RFTN1: variants seen among roughly 807,000 people sequenced by gnomAD.
RFTN1 encodes raftlin.
A neutral mutation model predicts 46.5 loss-of-function variants in RFTN1; 26 were observed. The observed-to-expected ratio is 0.56, with a 90% CI of 0.41 to 0.78. The LOEUF is 0.78. Ranked by LOEUF, RFTN1 falls within the 30% of genes least tolerant of loss-of-function variation. RFTN1 has a pLI of 0.00. For missense variants in RFTN1, 693 were observed against 718.7 expected, an observed-to-expected ratio of 0.96 and a Z score of 0.41; for synonymous variants, 261 against 284.2, an observed-to-expected ratio of 0.92 and a Z score of 0.82.
At chr3:16,395,367 T>C (rs1398439231) in intron 4 of RFTN1, among the ~76,000 whole-genome samples, 1 of 152,188 alleles carries the variant, frequency 6.6e-6, no homozygotes, top group Non-Finnish European at 1.5e-5. Context: ...TCTACTAAAA[T>C]ATGCTGTCCA....
intron 6 of RFTN1, 73 bp downstream of exon 6, chr3:16,369,982 TGAATGAAGCAGACTCTGAAGA>T: frequency 8.5e-7 from 1 of 1,180,990 alleles, no homozygotes. Context: ...CAGAGCTTTC[TGAATGAAGCAGACTCTGAAGA>T]GGGACTAAGA....
intron 9 of RFTN1, among the ~76,000 whole-genome samples, chr3:16,319,491 C>T (rs1174527931): frequency 6.6e-6 from 1 of 152,206 alleles, no homozygotes; most frequent in Non-Finnish European, 1.5e-5. Context: ...GGGCCCCATT[C>T]ATATTGTATT....
chr3:16,445,165 CA>C (rs1266602698), intron 2 of RFTN1, among the ~76,000 whole-genome samples: 5 of 152,132 alleles, frequency 3.3e-5, no homozygotes, highest in African/African-American at 1.2e-4. Context: ...CTGTTGCAGC[CA>C]AGCTCTTAGA....
intron 4 of RFTN1, among the ~76,000 whole-genome samples, chr3:16,405,060 C>T (rs763311939): frequency 3.9e-5 from 6 of 152,160 alleles, no homozygotes; most frequent in Admixed American, 6.5e-5. Context: ...TAGACGCTCT[C>T]ATGAATGAAC....
rs1470557855 is a variant in RFTN1, at chr3:16,342,911, C to T, written c.1146+15021G>A. 6.6e-6 allele frequency among the ~76,000 whole-genome samples: 1 copy of T among 152,228 alleles called. No homozygotes were observed. The highest frequency in any genetic ancestry group is 6.5e-5 in the Admixed American group (1 of 15,290). On this transcript the variant is annotated intron_variant, in intron 7 of 9. Coordinates refer to ENST00000334133, the MANE Select transcript of RFTN1 (RefSeq NM_015150.2). This position sits in a 1 kb window ranked among gnomAD's most constrained non-coding sequence, Gnocchi z 4.0. ...CACTGACTTTGAGTCTCGATCTCAG[C>T]TCACTGCAGCCTCAACCTCCCAGGC...
At position 16,341,261 on chromosome 3, in the gene RFTN1, C is replaced by G. The variant is rs570094235; in HGVS notation, c.1147-14385G>C. Among the ~76,000 whole-genome samples the G allele has an allele frequency of 2.6e-5, 4 of 152,324 alleles. No individual in the cohort carries two copies. The East Asian group carries it at 7.7e-4, about 29-fold the overall frequency. On this transcript the variant is annotated intron_variant, in intron 7 of 9. Transcript: ENST00000334133. The surrounding 1 kb of genome is among the most constrained non-coding windows in gnomAD (Gnocchi z 4.7). ...GACAGTTTGGCAGTTTCTTACAAAA[C>G]TAGACATACTTTACAATATGATCCA...
At chr3:16,362,869 T>C (rs1306944119) in intron 6 of RFTN1, among the ~76,000 whole-genome samples, 1 of 152,164 alleles carries the variant, frequency 6.6e-6, no homozygotes, top group African/African-American at 2.4e-5. Context: ...TCCAGACTTT[T>C]TCTCCATCCC....
chr3:16,506,223 A>AG lies in RFTN1; in HGVS notation c.-9+7218dup, dbSNP rs1299161201. Among the ~76,000 whole-genome samples, 3 of 152,102 alleles carry AG rather than the reference A, an allele frequency of 2.0e-5. No homozygotes were observed. Among genetic ancestry groups the AG allele is most frequent in the Admixed American group, 6.5e-5 (1 of 15,268 alleles). ...AGGCCACAGAGCGAGCCATGGGATA[A>AG]GGGGGAGGGTGGGCTAGGCAAGGCA... On this transcript the variant is annotated intron_variant, in intron 1 of 9. Transcript: ENST00000334133. The surrounding 1 kb of genome is among the most constrained non-coding windows in gnomAD (Gnocchi z 4.8).
intron 1 of RFTN1, among the ~76,000 whole-genome samples, chr3:16,502,773 T>A (rs1428617708): frequency 6.6e-6 from 1 of 152,236 alleles, no homozygotes; most frequent in African/African-American, 2.4e-5. Context: ...ACATCCTCAC[T>A]GCAACCTCAT....
intron 2 of RFTN1, chr3:16,454,828 T>C: frequency 1.0e-6 from 1 of 970,472 alleles, no homozygotes; most frequent in Non-Finnish European, 1.2e-6. Flanking sequence ...CTTTGTCTTG[T>C]TCATTTTCTT....
Position 16,410,296 on chromosome 3 carries a change from T to C in RFTN1, c.333-813A>G, listed in dbSNP as rs2074959083. Among the ~76,000 whole-genome samples, 1 of 151,558 alleles carries C rather than the reference T, an allele frequency of 6.6e-6. No homozygotes were observed. The highest frequency in any genetic ancestry group is 1.5e-5 in the Non-Finnish European group (1 of 67,962). On this transcript the variant is annotated intron_variant, in intron 3 of 9. Transcript: ENST00000334133. This position sits in a 1 kb window ranked among gnomAD's most constrained non-coding sequence, Gnocchi z 4.6. ...CAGTAATGTCTATGTCCCATTGGTT[T>C]ATATCCGCCAGGGCACAGAAAAAGA...
chr3:16,476,641 C>A (rs563049943), intron 2 of RFTN1, among the ~76,000 whole-genome samples: 29 of 152,236 alleles, frequency 1.9e-4, no homozygotes, highest in Middle Eastern at 3.4e-3. Context: ...GGACCCAAGG[C>A]TTCTAGGCAG....
intron 4 of RFTN1, among the ~76,000 whole-genome samples, chr3:16,394,480 G>A (rs1399782525): frequency 6.6e-6 from 1 of 152,216 alleles, no homozygotes; most frequent in Non-Finnish European, 1.5e-5. Context: ...ACAGTGCTGA[G>A]CAAAAGACAC....
chr3:16,399,832 C>T (rs2074558727), intron 4 of RFTN1, among the ~76,000 whole-genome samples: 1 of 152,148 alleles, frequency 6.6e-6, no homozygotes, highest in African/African-American at 2.4e-5. Flanking sequence ...TTGTCCTCTC[C>T]CTCTCCACGG....
At chr3:16,502,606 C>T (rs901508294) in intron 1 of RFTN1, among the ~76,000 whole-genome samples, 3 of 152,214 alleles carry the variant, frequency 2.0e-5, no homozygotes, top group African/African-American at 7.2e-5. Context: ...CCTCGCTCTC[C>T]TAGATCTCTC....
intron 2 of RFTN1, among the ~76,000 whole-genome samples, chr3:16,439,194 T>C (rs1157730791): frequency 1.3e-5 from 2 of 152,184 alleles, no homozygotes; most frequent in Non-Finnish European, 2.9e-5. Flanking sequence ...AATCTCATGT[T>C]TCTATTTGAA....
At chr3:16,404,372 A>C (rs1461560835) in intron 4 of RFTN1, among the ~76,000 whole-genome samples, 1 of 19,984 alleles carries the variant, frequency 5.0e-5, no homozygotes, top group East Asian at 9.8e-4. Context: ...ACAATATATA[A>C]TATATATAAT....
intron 4 of RFTN1, among the ~76,000 whole-genome samples, chr3:16,403,380 A>G (rs1261243823): frequency 6.6e-6 from 1 of 151,284 alleles, no homozygotes. Context: ...TCAAATGAGG[A>G]TAAGTCTTCA....
At chr3:16,417,110 A>C (rs1383817083) in intron 3 of RFTN1, among the ~76,000 whole-genome samples, 2 of 151,498 alleles carry the variant, frequency 1.3e-5, no homozygotes, top group Non-Finnish European at 2.9e-5. Context: ...CCTGGGCTCA[A>C]GCAATCCTCC....
Sources: gnomAD v4.1 joint callset for allele counts (sites outside exome capture counted in the v4.1 genomes callset) on GRCh38, gnomAD v4.1.1 for gene constraint, Gnocchi (gnomAD v3.1) non-coding constraint, MANE v1.5 for transcripts, NCBI Gene and HGNC (gene_info 2026-07-23, HGNC 2026-07-21) for gene names.